The following NPTN variants were observed in gnomAD, a reference collection of about 807,000 sequenced individuals.
NPTN encodes SDR-1.
NPTN carries 5 observed loss-of-function variants against 42.7 expected under a neutral mutation model. The observed-to-expected ratio is 0.12, with a 90% CI of 0.06 to 0.25. NPTN has a LOEUF of 0.25. NPTN is among the 10% of genes least tolerant of loss of function. The pLI, the probability that NPTN is intolerant of heterozygous loss-of-function variation, is 1.00. For missense variants in NPTN, 307 were observed against 525.4 expected, an observed-to-expected ratio of 0.58 and a Z score of 4.06; for synonymous variants, 180 against 201.9, an observed-to-expected ratio of 0.89 and a Z score of 0.92.
chr15:73,590,788 C>G (rs1437124897), intron 3 of NPTN, among the ~76,000 whole-genome samples: 1 of 151,894 alleles, frequency 6.6e-6, no homozygotes, highest in Non-Finnish European at 1.5e-5. Context: ...AACAAAAAAT[C>G]AAGTCTGTAA....
Position 73,597,976 on chromosome 15 carries a change from A to T in NPTN, c.92-607T>A, listed in dbSNP as rs996604961. 6.6e-6 allele frequency among the ~76,000 whole-genome samples: 1 copy of T among 152,174 alleles called. No homozygotes were observed. The highest frequency in any genetic ancestry group is 2.4e-5 in the African/African-American group (1 of 41,444). ...CACACAGGATTCTATCCTGGGTTCG[A>T]TTAGACTTTCTCCACCTCCTATTCT... On this transcript the variant is annotated intron_variant, in intron 1 of 8. Coordinates refer to ENST00000345330, the MANE Select transcript of NPTN (RefSeq NM_012428.4). This position sits in a 1 kb window ranked among gnomAD's most constrained non-coding sequence, Gnocchi z 6.3.
chr15:73,572,680 G>A lies in NPTN; in HGVS notation c.840+982C>T, dbSNP rs1165397375. Among the ~76,000 whole-genome samples, 4 of 152,090 alleles carry A rather than the reference G, an allele frequency of 2.6e-5. No individual in the cohort carries two copies. The East Asian group carries it at 5.8e-4, about 22-fold the overall frequency. On this transcript the variant is annotated intron_variant, in intron 5 of 8. Transcript: ENST00000345330. The stretch of plus-strand genomic sequence containing the variant: ...AGGAATGTACTAATAATTGCCCTCA[G>A]TACCTTGTTTCCTACTAAAAAAACA...
chr15:73,588,458 A>T (rs1035164735), intron 3 of NPTN, among the ~76,000 whole-genome samples: 7 of 152,188 alleles, frequency 4.6e-5, no homozygotes, highest in Non-Finnish European at 7.3e-5. Flanking sequence ...CTGCCATCAG[A>T]GCATCAGCCA....
chr15:73,623,909 A>G (rs769321698), intron 1 of NPTN, among the ~76,000 whole-genome samples: 2 of 152,190 alleles, frequency 1.3e-5, no homozygotes, highest in African/African-American at 2.4e-5. Context: ...TAGTTTCATT[A>G]AAATCATCTT....
intron 3 of NPTN, 151 bp from the exon 4 acceptor site, chr15:73,587,769 G>C (rs1303666501): frequency 7.4e-5 from 46 of 620,674 alleles, no homozygotes; most frequent in Admixed American, 1.1e-4. Context: ...ATTCCTCTCT[G>C]TGCATCCTAA....
In NPTN at chr15:73,598,607, C is replaced by T. The variant is rs74906414; in HGVS notation, c.92-1238G>A. On this transcript the variant is annotated intron_variant, in intron 1 of 8. Coordinates refer to ENST00000345330, the MANE Select transcript of NPTN (RefSeq NM_012428.4). ...CATTCAGCATTTCTACTGATTCAGA[C>T]AGTATCCGAAGGTATAAAGAGAGAC... 1.2e-4 allele frequency among the ~76,000 whole-genome samples: 19 copies of T among 152,276 alleles called. No individual in the cohort carries two copies. In the East Asian group the frequency reaches 3.7e-3, roughly 29 times the overall value.
At chr15:73,612,723 T>C (rs1040629807) in intron 1 of NPTN, among the ~76,000 whole-genome samples, 1 of 151,936 alleles carries the variant, frequency 6.6e-6, no homozygotes, top group Non-Finnish European at 1.5e-5. Context: ...TGAGCAGAGA[T>C]GCGCCACTGC....
chr15:73,618,984 G>C (rs1400633013), intron 1 of NPTN, among the ~76,000 whole-genome samples: 1 of 151,134 alleles, frequency 6.6e-6, no homozygotes. Context: ...GCTTGAGCCT[G>C]GGAAGTCGAG....
chr15:73,562,049 CTCTT>C, intron 7 of NPTN, 79 bp from the exon 8 acceptor site: 1 of 1,035,790 alleles, frequency 9.7e-7, no homozygotes, highest in Non-Finnish European at 1.4e-6. Flanking sequence ...AATACAGGGA[CTCTT>C]TCACTTACTG....
At chr15:73,599,512 G>C (rs1896985393) in intron 1 of NPTN, 1 of 152,776 alleles carries the variant, frequency 6.5e-6, no homozygotes, top group African/African-American at 2.4e-5. Flanking sequence ...TACTCGGGAG[G>C]CTGAGACAGA....
At chr15:73,609,353 G>A (rs533742633) in intron 1 of NPTN, among the ~76,000 whole-genome samples, 14 of 152,222 alleles carry the variant, frequency 9.2e-5, no homozygotes, top group East Asian at 5.8e-4. Flanking sequence ...AATCCTGGCC[G>A]GGCGCAGTGG....
intron 1 of NPTN, among the ~76,000 whole-genome samples, chr15:73,611,352 A>C (rs1334762232): frequency 6.6e-6 from 1 of 152,230 alleles, no homozygotes; most frequent in Non-Finnish European, 1.5e-5. Flanking sequence ...CATTTTCTTA[A>C]AATTAAATAT....
At chr15:73,596,893 G>GA (rs1350047385) in intron 2 of NPTN, 129 bp downstream of exon 2, 1,179 of 744,556 alleles carry the variant, frequency 1.6e-3, no homozygotes, top group South Asian at 2.2e-3. Flanking sequence ...TCATGGGATT[G>GA]AAAAAAAAAC....
intron 1 of NPTN, among the ~76,000 whole-genome samples, chr15:73,605,620 C>T (rs911891987): frequency 2.7e-5 from 4 of 150,706 alleles, no homozygotes; most frequent in African/African-American, 9.8e-5. Context: ...CCCAGCTACT[C>T]GGGAGGCTGA....
chr15:73,561,518 A>G (rs1040372010), intron 8 of NPTN, among the ~76,000 whole-genome samples: 1 of 152,084 alleles, frequency 6.6e-6, no homozygotes, highest in African/African-American at 2.4e-5. Context: ...CGTCTCTACT[A>G]AAAATACAAA....
rs1166254687 is a variant in NPTN, at chr15:73,633,300, C to CGAGTGCGCGAGG, written c.-97_-86dup. On this transcript the variant is annotated 5_prime_UTR_variant, in exon 1 of 9. Coordinates refer to ENST00000345330, the MANE Select transcript of NPTN (RefSeq NM_012428.4). ...GGAGGGGAGGGAGGGAGGGGGCGGG[C>CGAGTGCGCGAGG]GAGTGCGCGAGGGAGTGAGCGAGGG... The CGAGTGCGCGAGG allele has an allele frequency of 3.1e-6, 3 of 972,226 alleles. No homozygotes were observed. Among genetic ancestry groups the CGAGTGCGCGAGG allele is most frequent in the African/African-American group, 1.7e-5 (1 of 58,712 alleles). 60.2% of individuals were successfully genotyped at this position (972,226 alleles called of 1,614,324 possible).
chr15:73,627,455 T>A (rs1898477222), intron 1 of NPTN, among the ~76,000 whole-genome samples: 1 of 152,226 alleles, frequency 6.6e-6, no homozygotes, highest in Non-Finnish European at 1.5e-5. Flanking sequence ...AACACTCAGT[T>A]TATTTATTTG....
intron 3 of NPTN, 82 bp from the exon 4 acceptor site, chr15:73,587,700 C>A: frequency 9.8e-7 from 1 of 1,017,560 alleles, no homozygotes; most frequent in Non-Finnish European, 1.5e-6. Flanking sequence ...AAGGGGCAAT[C>A]AGGGATCCTG....
At chr15:73,580,011 G>A (rs558435599) in intron 4 of NPTN, among the ~76,000 whole-genome samples, 22 of 152,116 alleles carry the variant, frequency 1.4e-4, no homozygotes, top group African/African-American at 5.3e-4. Context: ...ATGCATTTTT[G>A]TATGTATAGA....
Sources: allele counts gnomAD v4.1 joint callset (sites outside exome capture counted in the v4.1 genomes callset), GRCh38; gene constraint gnomAD v4.1.1; non-coding constraint Gnocchi (gnomAD v3.1); transcripts MANE v1.5; gene names NCBI Gene and HGNC (gene_info 2026-07-23, HGNC 2026-07-21).